The following ZDHHC3 variants were observed in gnomAD, a reference collection of about 807,000 sequenced individuals.
ZDHHC3 encodes zDHHC palmitoyltransferase 3.
ZDHHC3 carries 9 observed loss-of-function variants against 30.6 expected under a neutral mutation model. That is an observed-to-expected ratio of 0.29 (90% CI 0.18 to 0.51). The LOEUF (loss-of-function observed/expected upper bound fraction) is 0.51. Among genes scored for constraint, ZDHHC3 ranks in the 20% least tolerant of loss-of-function variants. The pLI, the probability that ZDHHC3 is intolerant of heterozygous loss-of-function variation, is 0.97. For missense variants in ZDHHC3, 246 were observed against 384.2 expected (o/e 0.64, Z 3.01); for synonymous variants, 136 against 140.2 (o/e 0.97, Z 0.21).
At chr3:44,973,907 C>T (rs1156906555) in intron 1 of ZDHHC3, among the ~76,000 whole-genome samples, 1 of 152,178 alleles carries the variant, frequency 6.6e-6, no homozygotes, top group East Asian at 1.9e-4. Flanking sequence ...ATAAATGAAT[C>T]TAATAGTGAT....
At chr3:44,945,366 T>C (rs1386979161) in intron 2 of ZDHHC3, 74 bp from the exon 3 acceptor site, 1 of 1,598,018 alleles carries the variant, frequency 6.3e-7, no homozygotes, top group Non-Finnish European at 8.6e-7. Flanking sequence ...GTGGGGATAG[T>C]TATTTGAAAG....
At chr3:44,958,349 A>G (rs1434395408) in intron 2 of ZDHHC3, among the ~76,000 whole-genome samples, 1 of 152,212 alleles carries the variant, frequency 6.6e-6, no homozygotes, top group Non-Finnish European at 1.5e-5. Context: ...CTGTATGGCC[A>G]GTGTCACTGC....
At position 44,929,424 on chromosome 3, in the gene ZDHHC3, A is replaced by G; in HGVS notation, c.623T>C (p.Phe208Ser). The G allele has an allele frequency of 1.2e-6, 2 of 1,614,004 alleles. No individual in the cohort carries two copies. Among genetic ancestry groups the G allele is most frequent in the Non-Finnish European group, 1.7e-6 (2 of 1,179,928 alleles). Reference protein sequence around the residue: ...FEEDWTKCSSFSPPTTVILLI... With the variant: ...FEEDWTKCSSSSPPTTVILLI... ...GAGAATCACTGTGGTGGGTGGAGAG[A>G]AGGAGCTGCACTCTGAAAGAGAAGC... is the stretch of plus-strand genomic sequence containing the variant. The change falls in exon 6 of 7, where the codon TTC becomes TCC. Residue 208 changes from phenylalanine to serine, a missense_variant. Physicochemically the swap from Phe to Ser is radical, Grantham distance 155. Transcript: ENST00000424952.
At chr3:44,963,513 C>A (rs1484693910) in intron 1 of ZDHHC3, among the ~76,000 whole-genome samples, 4 of 133,022 alleles carry the variant, frequency 3.0e-5, no homozygotes, top group South Asian at 2.4e-4. Flanking sequence ...AAAAAAAAAA[C>A]CCACCACGAA....
Position 44,953,946 on chromosome 3 carries a change from C to T in ZDHHC3, c.306+5185G>A, listed in dbSNP as rs139936243. On this transcript the variant is annotated intron_variant, in intron 2 of 6. Transcript: ENST00000424952. ...TGGCCTGCTGTTCCTCTTCTATGTT[C>T]CCACAGGTCCAACATCATGCTGCCA... Among the ~76,000 whole-genome samples the T allele has an allele frequency of 3.2e-4, 49 of 152,318 alleles. 1 individual carries two copies. The highest frequency in any genetic ancestry group is 1.1e-3 in the African/African-American group (44 of 41,572).
At chr3:44,934,893 CAAAA>C (rs886501187) in intron 3 of ZDHHC3, among the ~76,000 whole-genome samples, 1 of 60,078 alleles carries the variant, frequency 1.7e-5, no homozygotes, top group Non-Finnish European at 3.3e-5. Context: ...ACTCTGTCTC[CAAAA>C]AAAAAAAAAA....
rs1316265936 is a variant in ZDHHC3 at position 44,959,813 on chromosome 3, G to C, written c.-24-353C>G. Among the ~76,000 whole-genome samples, 1 of 152,202 alleles carries C rather than the reference G, an allele frequency of 6.6e-6. No homozygotes were observed. Among genetic ancestry groups the C allele is most frequent in the African/African-American group, 2.4e-5 (1 of 41,446 alleles). On this transcript the variant is annotated intron_variant, in intron 1 of 6. Coordinates refer to ENST00000424952, the MANE Select transcript of ZDHHC3 (RefSeq NM_001135179.2). The surrounding 1 kb of genome is among the most constrained non-coding windows in gnomAD (Gnocchi z 4.3). ...ACTCTGTCATTCAGGCTGGAGTGCA[G>C]TGGCACCGTCTTAGGTCAATGCAGC...
intron 2 of ZDHHC3, among the ~76,000 whole-genome samples, chr3:44,953,941 A>G (rs1208836370): frequency 6.6e-6 from 1 of 152,276 alleles, no homozygotes; most frequent in East Asian, 1.9e-4. Context: ...TTCCTCTTCT[A>G]TGTTCCCACA....
At position 44,917,261 on chromosome 3, in the gene ZDHHC3, G is replaced by A; in HGVS notation, c.*9428C>T. ...TGCACATGTGTGTGTAGAGCTTAAT[G>A]CAGGGTCCTCTTTGAACCATGCCTG... is the stretch of plus-strand genomic sequence containing the variant. On this transcript the variant is annotated 3_prime_UTR_variant, in exon 7 of 7. Transcript: ENST00000424952. The A allele has an allele frequency of 6.3e-6, 1 of 157,494 alleles. No individual in the cohort carries two copies. Among genetic ancestry groups the A allele is most frequent in the Non-Finnish European group, 1.4e-5 (1 of 70,840 alleles). The allele number at this position is 157,494 out of a possible 1,614,324, so 9.8% of individuals were successfully genotyped here.
In ZDHHC3 at chr3:44,919,890, A is replaced by G; in HGVS notation, c.*6799T>C. 3 of 1,029,014 alleles carry G rather than the reference A, an allele frequency of 2.9e-6. No homozygotes were observed. Among genetic ancestry groups the G allele is most frequent in the Non-Finnish European group, 3.5e-6 (3 of 853,588 alleles). 63.7% of individuals were successfully genotyped at this position (1,029,014 alleles called of 1,614,324 possible). A position where few individuals can be genotyped will look rare whatever the true frequency, so the allele number is the denominator to read the frequency against. On this transcript the variant is annotated 3_prime_UTR_variant, in exon 7 of 7. Coordinates refer to ENST00000424952, the MANE Select transcript of ZDHHC3 (RefSeq NM_001135179.2). The stretch of plus-strand genomic sequence containing the variant: ...CTGAGACAAAGATTTATGCAATACA[A>G]ACTTGAACACTGAATTATAATAATG...
intron 3 of ZDHHC3, among the ~76,000 whole-genome samples, chr3:44,940,251 G>T (rs1702327986): frequency 6.6e-6 from 1 of 152,144 alleles, no homozygotes; most frequent in Non-Finnish European, 1.5e-5. Flanking sequence ...ACATGGGCAG[G>T]GGGCTCAGCA....
chr3:44,935,666 A>C (rs1472793405), intron 3 of ZDHHC3, among the ~76,000 whole-genome samples: 1 of 152,230 alleles, frequency 6.6e-6, no homozygotes, highest in African/African-American at 2.4e-5. Context: ...GCCAATCACT[A>C]ATCAATGTTA....
At chr3:44,927,217 G>C (rs1019564511) in intron 6 of ZDHHC3, among the ~76,000 whole-genome samples, 2 of 152,214 alleles carry the variant, frequency 1.3e-5, no homozygotes, top group African/African-American at 4.8e-5. Context: ...GCTGTGGATG[G>C]AGTACTATGA....
intron 2 of ZDHHC3, 167 bp from the exon 3 acceptor site, chr3:44,945,459 G>C: frequency 9.7e-7 from 1 of 1,035,986 alleles, no homozygotes; most frequent in East Asian, 2.6e-5. Flanking sequence ...CCAACATTAA[G>C]GAATATTTAT....
rs1025863051 is a variant in ZDHHC3, at chr3:44,921,418, A to G, written c.*5271T>C. ...CAGAGATTTCATACCTCTATATTGT[A>G]ACCCACAAGAGGAAACATTTTTCTG... On this transcript the variant is annotated 3_prime_UTR_variant, in exon 7 of 7. Coordinates refer to ENST00000424952, the MANE Select transcript of ZDHHC3 (RefSeq NM_001135179.2). The G allele has an allele frequency of 2.0e-6, 2 of 985,450 alleles. No homozygotes were observed. Among genetic ancestry groups the G allele is most frequent in the Non-Finnish European group, 1.2e-6 (1 of 829,938 alleles). The allele number at this position is 985,450 out of a possible 1,614,324, so 61.0% of individuals were successfully genotyped here. A position where few individuals can be genotyped will look rare whatever the true frequency, so the allele number is the denominator to read the frequency against.
chr3:44,963,619 T>G (rs1704672117), intron 1 of ZDHHC3, among the ~76,000 whole-genome samples: 1 of 151,850 alleles, frequency 6.6e-6, no homozygotes, highest in South Asian at 2.1e-4. Context: ...TTAGAGAAAC[T>G]CCAATCCTTA....
intron 1 of ZDHHC3, among the ~76,000 whole-genome samples, chr3:44,966,067 C>T (rs547570201): frequency 1.3e-5 from 2 of 152,290 alleles, no homozygotes; most frequent in African/African-American, 2.4e-5. Flanking sequence ...GTTTAACAAA[C>T]TTGAAATCAG....
chr3:44,940,123 A>C (rs1285990221), intron 3 of ZDHHC3, among the ~76,000 whole-genome samples: 1 of 151,808 alleles, frequency 6.6e-6, no homozygotes, highest in African/African-American at 2.4e-5. Flanking sequence ...CTGCTGTTTC[A>C]CCTCTGGCAC....
Position 44,923,084 on chromosome 3 carries a change from T to TC in ZDHHC3, c.*3604_*3605insG. The TC allele has an allele frequency of 4.1e-6, 4 of 983,646 alleles. No individual in the cohort carries two copies. Among genetic ancestry groups the TC allele is most frequent in the South Asian group, 9.4e-5 (2 of 21,214 alleles). The allele number at this position is 983,646 out of a possible 1,614,324, so 60.9% of individuals were successfully genotyped here. ...CACATACATGTTTAAAATGTTTGTT[T>TC]TTTTTTTTTGAGACGGAGTCTCACT... is the stretch of plus-strand genomic sequence containing the variant. On this transcript the variant is annotated 3_prime_UTR_variant, in exon 7 of 7. Transcript: ENST00000424952.
Sources: allele counts gnomAD v4.1 joint callset (sites outside exome capture counted in the v4.1 genomes callset), GRCh38; gene constraint gnomAD v4.1.1; non-coding constraint Gnocchi (gnomAD v3.1); transcripts MANE v1.5; gene names NCBI Gene and HGNC (gene_info 2026-07-23, HGNC 2026-07-21).